The following ANKRD30B variants were observed in gnomAD, a reference collection of about 807,000 sequenced individuals.
ANKRD30B encodes ankyrin repeat domain 30B, also known as ankyrin repeat domain-containing protein 30B.
A neutral mutation model predicts 202.2 loss-of-function variants in ANKRD30B; 144 were observed. The ratio of observed to expected loss-of-function variants is 0.71; its 90% confidence interval spans 0.62 to 0.82. The LOEUF (loss-of-function observed/expected upper bound fraction) is 0.82. ANKRD30B is among the 40% of genes least tolerant of loss of function. ANKRD30B has a pLI of 0.00. For synonymous variants in ANKRD30B, 508 were observed against 561.3 expected, an observed-to-expected ratio of 0.91 and a Z score of 1.34; for missense variants, 1,487 against 1,669.1, an observed-to-expected ratio of 0.89 and a Z score of 1.90.
chr18:14,929,859 T>C, the ANKRD30B span, among the ~76,000 whole-genome samples: 5 of 152,058 alleles, frequency 3.3e-5, no homozygotes, highest in Non-Finnish European at 5.9e-5. Flanking sequence ...AGGTGGTGAC[T>C]GGGGAAATGA....
chr18:14,798,648 C>A (rs1024256205), intron 20 of ANKRD30B, among the ~76,000 whole-genome samples: 14 of 152,170 alleles, frequency 9.2e-5, no homozygotes, highest in African/African-American at 2.4e-4. Context: ...CAGGCACCCC[C>A]CTCCGTGCGT....
chr18:14,833,631 TTAAC>T (rs767151338), intron 34 of ANKRD30B, among the ~76,000 whole-genome samples: 2 of 152,360 alleles, frequency 1.3e-5, no homozygotes, highest in East Asian at 3.9e-4. Context: ...AAGACCATGT[TTAAC>T]TAATTGTCTT....
At chr18:14,754,820 T>C in intron 3 of ANKRD30B, 79 bp from the exon 4 acceptor site, 2 of 960,388 alleles carry the variant, frequency 2.1e-6, no homozygotes, top group East Asian at 6.1e-5. Context: ...TTTAAGTTAA[T>C]AGGATATAAT....
intron 16 of ANKRD30B, among the ~76,000 whole-genome samples, chr18:14,794,439 G>T (rs1419823333): frequency 1.3e-5 from 2 of 151,320 alleles, no homozygotes; most frequent in African/African-American, 4.9e-5. Flanking sequence ...AAATATTTTG[G>T]TTACATACTC....
chr18:14,871,047 A>ACCCG, the ANKRD30B span, among the ~76,000 whole-genome samples: 2 of 26,940 alleles, frequency 7.4e-5, no homozygotes, highest in Admixed American at 5.1e-4. Flanking sequence ...ACCCCCACCC[A>ACCCG]CACACCCCCA....
the ANKRD30B span, chr18:14,905,294 C>T: frequency 2.0e-5 from 3 of 152,238 alleles, no homozygotes; most frequent in Non-Finnish European, 4.4e-5. Flanking sequence ...ACCCTGAATT[C>T]TTTCTTGCAC....
intron 9 of ANKRD30B, among the ~76,000 whole-genome samples, chr18:14,774,062 T>G (rs1967196410): frequency 1.3e-5 from 2 of 152,138 alleles, no homozygotes; most frequent in Admixed American, 1.3e-4. Context: ...CATTTTAAAT[T>G]TTTTCTCTCT....
At chr18:14,831,180 G>GAAAAAAAAAA in intron 33 of ANKRD30B, among the ~76,000 whole-genome samples, 1 of 23,996 alleles carries the variant, frequency 4.2e-5, no homozygotes, top group Non-Finnish European at 7.6e-5. Flanking sequence ...ACTCCGTCTC[G>GAAAAAAAAAA]GAAAAAAAAA....
At chr18:14,791,735 G>A (rs1191470469) in intron 16 of ANKRD30B, among the ~76,000 whole-genome samples, 1 of 151,996 alleles carries the variant, frequency 6.6e-6, no homozygotes, top group African/African-American at 2.4e-5. Context: ...AGGAAAATGA[G>A]AAAATAAGAA....
chr18:14,900,027 A>G, the ANKRD30B span, among the ~76,000 whole-genome samples: 1 of 152,136 alleles, frequency 6.6e-6, no homozygotes, highest in African/African-American at 2.4e-5. Flanking sequence ...GAGGCACTCA[A>G]ACCATTCTTT....
At chr18:14,760,454 C>G in intron 5 of ANKRD30B, 100 bp from the exon 6 acceptor site, 1 of 649,704 alleles carries the variant, frequency 1.5e-6, no homozygotes. Flanking sequence ...GATGTTAGCT[C>G]TGATATTGTC....
intron 4 of ANKRD30B, among the ~76,000 whole-genome samples, chr18:14,755,207 C>G (rs920690902): frequency 6.6e-6 from 1 of 152,030 alleles, no homozygotes; most frequent in Non-Finnish European, 1.5e-5. Flanking sequence ...CTTATCTTCT[C>G]TTATTATATT....
At chr18:14,874,463 A>C in the ANKRD30B span, among the ~76,000 whole-genome samples, 2 of 152,218 alleles carry the variant, frequency 1.3e-5, no homozygotes, top group Non-Finnish European at 2.9e-5. Flanking sequence ...ATTGTTTTTA[A>C]GTGTAATACA....
At chr18:14,834,287 A>AG (rs1971081392) in intron 34 of ANKRD30B, among the ~76,000 whole-genome samples, 1 of 152,126 alleles carries the variant, frequency 6.6e-6, no homozygotes, top group Non-Finnish European at 1.5e-5. Context: ...TGTAAGAATA[A>AG]ATTTTTGTCG....
intron 33 of ANKRD30B, among the ~76,000 whole-genome samples, chr18:14,830,768 T>C (rs1272864635): frequency 1.3e-5 from 2 of 152,348 alleles, no homozygotes; most frequent in East Asian, 1.9e-4. Context: ...GAGGACTAAT[T>C]ATACTCAGGG....
In ANKRD30B at chr18:14,854,420, T is replaced by A. The variant is rs1424570994; in HGVS notation, c.*262T>A. Among the ~76,000 whole-genome samples the A allele has an allele frequency of 1.3e-5, 2 of 152,260 alleles. No homozygotes were observed. The highest frequency in any genetic ancestry group is 2.9e-5 in the Non-Finnish European group (2 of 68,022). Reference sequence around the variant, plus strand: ...TCTGGTGTGTGGGATGGGGGTAGAATCCCATGCATGAGAAGGGGACAGGTC... The same window carrying A: ...TCTGGTGTGTGGGATGGGGGTAGAAACCCATGCATGAGAAGGGGACAGGTC... On this transcript the variant is annotated 3_prime_UTR_variant, in exon 44 of 44. Coordinates refer to ENST00000690538, the MANE Select transcript of ANKRD30B (RefSeq NM_001367607.2).
chr18:14,875,312 A>G, the ANKRD30B span, among the ~76,000 whole-genome samples: 3 of 152,172 alleles, frequency 2.0e-5, no homozygotes, highest in African/African-American at 7.2e-5. Flanking sequence ...GAGGATGATG[A>G]GGTTGCCAGG....
intron 34 of ANKRD30B, among the ~76,000 whole-genome samples, chr18:14,832,975 C>A (rs760759237): frequency 6.6e-6 from 1 of 152,150 alleles, no homozygotes; most frequent in Admixed American, 6.5e-5. Flanking sequence ...CTTGCTCTGT[C>A]GCCCAGGTTG....
the ANKRD30B span, among the ~76,000 whole-genome samples, chr18:14,903,159 C>G: frequency 4.6e-5 from 7 of 152,210 alleles, no homozygotes; most frequent in Admixed American, 4.6e-4. Context: ...ACTGCAATCT[C>G]TGTCTCTGTA....
Sources: gnomAD v4.1 joint callset for allele counts (sites outside exome capture counted in the v4.1 genomes callset) on GRCh38, gnomAD v4.1.1 for gene constraint, MANE v1.5 for transcripts, NCBI Gene and HGNC (gene_info 2026-07-23, HGNC 2026-07-21) for gene names.